Variants in ACVR2B observed in about 807,000 individuals in gnomAD.
ACVR2B encodes the protein activin receptor type-2B.
ACVR2B carries 18 observed loss-of-function variants against 65.1 expected under a neutral mutation model. The ratio of observed to expected loss-of-function variants is 0.28; its 90% CI spans 0.19 to 0.41. The LOEUF is 0.41. Ranked by LOEUF, ACVR2B falls within the 10% of genes least tolerant of loss-of-function variation. The pLI, the probability that ACVR2B is intolerant of heterozygous loss-of-function variation, is 1.00. For missense variants in ACVR2B, 482 were observed against 682.7 expected, an observed-to-expected ratio of 0.71 and a Z score of 3.28; for synonymous variants, 298 against 277.7, an observed-to-expected ratio of 1.07 and a Z score of -0.73.
intron 1 of ACVR2B, among the ~76,000 whole-genome samples, chr3:38,466,837 G>A (rs1709738718): frequency 6.6e-6 from 1 of 152,138 alleles, no homozygotes; most frequent in Non-Finnish European, 1.5e-5. Flanking sequence ...AACATGTCAA[G>A]GAATGTGTTC....
intron 1 of ACVR2B, among the ~76,000 whole-genome samples, chr3:38,469,247 A>G (rs183864912): frequency 1.6e-4 from 25 of 152,348 alleles, no homozygotes; most frequent in Non-Finnish European, 2.6e-4. Context: ...GAAGTAAGGG[A>G]AAAACAAGAA....
chr3:38,459,784 C>A, intron 1 of ACVR2B: 1 of 579,536 alleles, frequency 1.7e-6, no homozygotes, highest in Non-Finnish European at 2.2e-6. Context: ...GAGGTGTGGG[C>A]AGCGCTGCCT....
chr3:38,482,383 G>A, intron 9 of ACVR2B, 47 bp downstream of exon 9: 1 of 1,610,670 alleles, frequency 6.2e-7, no homozygotes, highest in Non-Finnish European at 8.5e-7. Flanking sequence ...GTGATAGGGA[G>A]CAGTGGGACC....
At chr3:38,460,426 CA>C (rs1709624713) in intron 1 of ACVR2B, among the ~76,000 whole-genome samples, 3 of 152,162 alleles carry the variant, frequency 2.0e-5, no homozygotes, top group Admixed American at 2.0e-4. Context: ...CTGACTAAGG[CA>C]GTGGTAGGTA....
intron 1 of ACVR2B, among the ~76,000 whole-genome samples, chr3:38,456,079 G>A (rs1709545923): frequency 6.6e-6 from 1 of 152,238 alleles, no homozygotes; most frequent in Non-Finnish European, 1.5e-5. Flanking sequence ...TGGAAGGACT[G>A]TATGTCCTTT....
Position 38,454,194 on chromosome 3 carries a change from G to T in ACVR2B, c.-129G>T. On this transcript the variant is annotated 5_prime_UTR_variant, in exon 1 of 11. Coordinates refer to ENST00000352511, the MANE Select transcript of ACVR2B (RefSeq NM_001106.4). ...GCTCGGGGACGAAGGCGCAGGAAGCGCGCAGGGAACGAGACCGAAGGAAGG... is the reference window on the plus strand; with the variant it reads ...GCTCGGGGACGAAGGCGCAGGAAGCTCGCAGGGAACGAGACCGAAGGAAGG... 1.6e-6 allele frequency: 1 copy of T among 644,194 alleles called. No individual in the cohort carries two copies. Among genetic ancestry groups the T allele is most frequent in the South Asian group, 6.1e-5 (1 of 16,320 alleles). 39.9% of individuals were successfully genotyped at this position (644,194 alleles called of 1,614,324 possible). A position where few individuals can be genotyped will look rare whatever the true frequency, so the allele number is the denominator to read the frequency against.
chr3:38,479,089 C>T, intron 5 of ACVR2B, 39 bp from the exon 6 acceptor site: 2 of 1,613,166 alleles, frequency 1.2e-6, no homozygotes, highest in Non-Finnish European at 1.7e-6. Flanking sequence ...AGGGCTAAGC[C>T]AGCCACTTGT....
rs1710057543 is a variant in ACVR2B, at chr3:38,483,493, T to C, written c.*161T>C. On this transcript the variant is annotated 3_prime_UTR_variant, in exon 11 of 11. Coordinates refer to ENST00000352511, the MANE Select transcript of ACVR2B (RefSeq NM_001106.4). This position sits in a 1 kb window ranked among gnomAD's most constrained non-coding sequence, Gnocchi z 4.8. ...ATTATTATTATAATTATTATAATTATTATTATTAATATTATTTTTTGGATT... is the reference window on the plus strand; with the variant it reads ...ATTATTATTATAATTATTATAATTACTATTATTAATATTATTTTTTGGATT... 3.4e-6 allele frequency: 1 copy of C among 293,658 alleles called. No homozygotes were observed. The highest frequency in any genetic ancestry group is 5.3e-5 in the Admixed American group (1 of 18,914). 18.2% of individuals were successfully genotyped at this position (293,658 alleles called of 1,614,324 possible). A position where few individuals can be genotyped will look rare whatever the true frequency, so the allele number is the denominator to read the frequency against.
chr3:38,481,532 T>C lies in ACVR2B; in HGVS notation c.1074+67T>C. ...GGTAGATACTTTGCCCTTTTTGTGCTCAGCTGGGGAGGTGCAGGGATGAGG... is the reference window on the plus strand; with the variant it reads ...GGTAGATACTTTGCCCTTTTTGTGCCCAGCTGGGGAGGTGCAGGGATGAGG... On this transcript the variant is annotated intron_variant, in intron 8 of 10. Coordinates refer to ENST00000352511, the MANE Select transcript of ACVR2B (RefSeq NM_001106.4). The surrounding 1 kb of genome is among the most constrained non-coding windows in gnomAD (Gnocchi z 4.7). The C allele has an allele frequency of 7.5e-7, 1 of 1,336,138 alleles. No individual in the cohort carries two copies. Among genetic ancestry groups the C allele is most frequent in the Non-Finnish European group, 1.1e-6 (1 of 929,054 alleles). The allele number at this position is 1,336,138 out of a possible 1,614,324, so 82.8% of individuals were successfully genotyped here.
intron 1 of ACVR2B, among the ~76,000 whole-genome samples, chr3:38,468,316 A>G (rs141584582): frequency 6.6e-6 from 1 of 152,178 alleles, no homozygotes; most frequent in East Asian, 1.9e-4. Context: ...CCCCTGAGAA[A>G]TATCTTCTGT....
In ACVR2B at chr3:38,481,755, C is replaced by T. The variant is rs1710020708; in HGVS notation, c.1074+290C>T. Among the ~76,000 whole-genome samples, 1 of 152,120 alleles carries T rather than the reference C, an allele frequency of 6.6e-6. No individual in the cohort carries two copies. Among genetic ancestry groups the T allele is most frequent in the Non-Finnish European group, 1.5e-5 (1 of 68,024 alleles). ...TTCTCTCACTTTTTTAGTTTTAATTCCTAAGACAAAACAAAGAAATGTACT... is the reference window on the plus strand; with the variant it reads ...TTCTCTCACTTTTTTAGTTTTAATTTCTAAGACAAAACAAAGAAATGTACT... On this transcript the variant is annotated intron_variant, in intron 8 of 10. Transcript: ENST00000352511. The surrounding 1 kb of genome is among the most constrained non-coding windows in gnomAD (Gnocchi z 4.7).
chr3:38,467,135 T>G (rs1227068324), intron 1 of ACVR2B, among the ~76,000 whole-genome samples: 1 of 152,134 alleles, frequency 6.6e-6, no homozygotes, highest in Non-Finnish European at 1.5e-5. Context: ...AAGGATAGAT[T>G]ATAATTTTCA....
Position 38,482,447 on chromosome 3 carries a change from A to G in ACVR2B, c.1231A>G (p.Met411Val), listed in dbSNP as rs1710034863. Residue 411 changes from methionine (M) to valine (V), a missense_variant, in exon 10 of 11, where the codon ATG (methionine) becomes GTG (valine). Met to Val is a conservative substitution (Grantham distance 21, BLOSUM62 1). This residue lies in a region of ACVR2B where 223 missense variants were observed against 386.3 expected (regional missense o/e 0.58). Transcript: ENST00000352511. ...KAADGPVDEYMLPFEEEIGQH... is the reference protein window; with the variant it reads ...KAADGPVDEYVLPFEEEIGQH... ...TCTCCTAGGACCCGTGGATGAGTAC[A>G]TGCTGCCCTTTGAGGAAGAGATTGG... 2 of 1,612,594 alleles carry G rather than the reference A, an allele frequency of 1.2e-6. No homozygotes were observed. Among genetic ancestry groups the G allele is most frequent in the Non-Finnish European group, 1.7e-6 (2 of 1,179,814 alleles).
rs547855087 is a variant in ACVR2B, at chr3:38,463,882, T to C, written c.52+9508T>C. Among the ~76,000 whole-genome samples the C allele has an allele frequency of 3.3e-5, 5 of 152,316 alleles. No homozygotes were observed. In the East Asian group the frequency reaches 7.7e-4, roughly 24 times the overall value. On this transcript the variant is annotated intron_variant, in intron 1 of 10. Coordinates refer to ENST00000352511, the MANE Select transcript of ACVR2B (RefSeq NM_001106.4). The stretch of plus-strand genomic sequence containing the variant: ...AGGTGCTGTCAGGATTCGTTTCCAG[T>C]GATTCTTCTCTCTTGGGTTGGCATA...
Position 38,482,657 on chromosome 3 carries a change from T to C in ACVR2B, c.1344+97T>C, listed in dbSNP as rs1365266895. 5 of 1,529,772 alleles carry C rather than the reference T, an allele frequency of 3.3e-6. No individual in the cohort carries two copies. In the African/African-American group the frequency reaches 4.1e-5, roughly 13 times the overall value. 94.8% of individuals were successfully genotyped at this position (1,529,772 alleles called of 1,614,324 possible). A position where few individuals can be genotyped will look rare whatever the true frequency, so the allele number is the denominator to read the frequency against. Reference sequence around the variant, plus strand: ...CTGAAATCAAGGGGGAATGGGCAAATAGAAAGTCTGCGACGTTCCCTGGAC... The same window carrying C: ...CTGAAATCAAGGGGGAATGGGCAAACAGAAAGTCTGCGACGTTCCCTGGAC... On this transcript the variant is annotated intron_variant, in intron 10 of 10. Coordinates refer to ENST00000352511, the MANE Select transcript of ACVR2B (RefSeq NM_001106.4).
chr3:38,471,476 A>G (rs1469631473), intron 1 of ACVR2B, among the ~76,000 whole-genome samples: 1 of 152,178 alleles, frequency 6.6e-6, no homozygotes, highest in African/African-American at 2.4e-5. Flanking sequence ...TCTATGACCT[A>G]GCCAAGAAAC....
chr3:38,468,488 C>T (rs1259974993), intron 1 of ACVR2B, among the ~76,000 whole-genome samples: 1 of 152,172 alleles, frequency 6.6e-6, no homozygotes, highest in South Asian at 2.1e-4. Flanking sequence ...AAGAGGCTCT[C>T]TGTTCATTTT....
intron 1 of ACVR2B, chr3:38,476,298 T>A (rs1709906599): frequency 6.6e-6 from 1 of 152,136 alleles, no homozygotes; most frequent in East Asian, 1.9e-4. Context: ...GAAGTCGTTG[T>A]CCACCTGGAT....
intron 10 of ACVR2B, among the ~76,000 whole-genome samples, chr3:38,482,837 G>T (rs7372849): frequency 6.6e-6 from 1 of 151,860 alleles, no homozygotes; most frequent in East Asian, 1.9e-4. Flanking sequence ...GGCAAGTAGT[G>T]GTGTCTATCC....
Sources: gnomAD v4.1 joint callset for allele counts (sites outside exome capture counted in the v4.1 genomes callset) on GRCh38, gnomAD v4.1.1 for gene constraint, gnomAD v4.1.1 regional missense constraint, Gnocchi (gnomAD v3.1) non-coding constraint, MANE v1.5 for transcripts, NCBI Gene and HGNC (gene_info 2026-07-23, HGNC 2026-07-21) for gene names.